The following TSPAN5 variants were observed in gnomAD, a reference collection of about 807,000 sequenced individuals.
The protein encoded by TSPAN5 is tetraspanin-5.
A neutral mutation model predicts 37.1 loss-of-function variants in TSPAN5; 10 were observed. The ratio of observed to expected loss-of-function variants is 0.27; its 90% CI spans 0.17 to 0.46. The LOEUF (loss-of-function observed/expected upper bound fraction) is 0.46. TSPAN5 is among the 20% of genes least tolerant of loss of function. TSPAN5 has a pLI of 1.00. For synonymous variants in TSPAN5, 110 were observed against 118.9 expected (o/e 0.93, Z 0.48); for missense variants, 195 against 326.6 (o/e 0.60, Z 3.11).
At chr4:98,513,761 T>G (rs1283744159) in intron 1 of TSPAN5, among the ~76,000 whole-genome samples, 1 of 152,176 alleles carries the variant, frequency 6.6e-6, no homozygotes, top group Non-Finnish European at 1.5e-5. Context: ...ATCTGAATTC[T>G]CTTTGAAATA....
chr4:98,563,051 G>A (rs1754914771), intron 1 of TSPAN5, among the ~76,000 whole-genome samples: 1 of 152,134 alleles, frequency 6.6e-6, no homozygotes, highest in Non-Finnish European at 1.5e-5. Context: ...TGTGCAAGCT[G>A]TGCACTGCAC....
At chr4:98,513,571 A>C (rs1239865289) in intron 1 of TSPAN5, among the ~76,000 whole-genome samples, 1 of 152,130 alleles carries the variant, frequency 6.6e-6, no homozygotes, top group African/African-American at 2.4e-5. Context: ...GGGAAGGAAA[A>C]GGAAGTGTTA....
At chr4:98,490,644 T>C (rs1267197822) in intron 2 of TSPAN5, among the ~76,000 whole-genome samples, 1 of 152,246 alleles carries the variant, frequency 6.6e-6, no homozygotes, top group African/African-American at 2.4e-5. Context: ...ATTCAGAATA[T>C]ACCCACGTAG....
At chr4:98,555,251 T>C (rs1289834524) in intron 1 of TSPAN5, among the ~76,000 whole-genome samples, 1 of 152,042 alleles carries the variant, frequency 6.6e-6, no homozygotes, top group Non-Finnish European at 1.5e-5. Context: ...CTACCAACTC[T>C]CCAATTTCAC....
At chr4:98,496,092 C>A (rs558604604) in intron 2 of TSPAN5, among the ~76,000 whole-genome samples, 56 of 152,200 alleles carry the variant, frequency 3.7e-4, no homozygotes, top group Non-Finnish European at 7.4e-4. Flanking sequence ...AAGGATTTCC[C>A]TAGTGAGAAA....
intron 1 of TSPAN5, among the ~76,000 whole-genome samples, chr4:98,609,278 A>G (rs1001911009): frequency 6.6e-6 from 1 of 151,740 alleles, no homozygotes; most frequent in Non-Finnish European, 1.5e-5. Flanking sequence ...GCTGGGGGTG[A>G]GCTCTGGGTG....
rs199535963 is a variant in TSPAN5 at position 98,607,712 on chromosome 4, A to ATT, written c.81+50432_81+50433dup. ...AACAATCTGTGATGCCTTAAATGAA[A>ATT]TTTTTTTTTTTTTTTGAGATGGAGT... On this transcript the variant is annotated intron_variant, in intron 1 of 7. Transcript: ENST00000305798. Among the ~76,000 whole-genome samples, 503 of 145,436 alleles carry ATT rather than the reference A, an allele frequency of 3.5e-3. 1 individual carries two copies. The highest frequency in any genetic ancestry group is 9.0e-3 in the African/African-American group (357 of 39,600).
rs117479084 is a variant in TSPAN5 at position 98,486,919 on chromosome 4, G to A, written c.133-35C>T. 964 of 1,604,046 alleles carry A rather than the reference G, an allele frequency of 6.0e-4. 8 individuals are homozygous for A. The East Asian group carries it at 0.019, about 31-fold the overall frequency. On this transcript the variant is annotated intron_variant, in intron 2 of 7. Coordinates refer to ENST00000305798, the MANE Select transcript of TSPAN5 (RefSeq NM_005723.4). ...GAAAAGAACACACAACAAGGCACGG[G>A]GATGTGGGGTCAGTTTTCCAACATG...
chr4:98,562,596 G>A (rs1234608577), intron 1 of TSPAN5, among the ~76,000 whole-genome samples: 3 of 152,150 alleles, frequency 2.0e-5, no homozygotes, highest in Non-Finnish European at 2.9e-5. Flanking sequence ...GGGAGGTGGA[G>A]GTTGCAGAGA....
At chr4:98,569,483 G>A (rs1755072259) in intron 1 of TSPAN5, among the ~76,000 whole-genome samples, 1 of 152,184 alleles carries the variant, frequency 6.6e-6, no homozygotes, top group Admixed American at 6.5e-5. Context: ...GAAGGGATGT[G>A]GGAGGCAGCC....
At chr4:98,628,395 A>AGATT (rs1230920957) in intron 1 of TSPAN5, among the ~76,000 whole-genome samples, 1 of 152,246 alleles carries the variant, frequency 6.6e-6, no homozygotes, top group Non-Finnish European at 1.5e-5. Context: ...GAGCATCTAT[A>AGATT]GATTGACTCA....
At chr4:98,567,564 C>T (rs115908060) in intron 1 of TSPAN5, among the ~76,000 whole-genome samples, 15 of 152,176 alleles carry the variant, frequency 9.9e-5, no homozygotes, top group East Asian at 1.9e-4. Flanking sequence ...TTCAGTGGTT[C>T]GGAGATGTGG....
intron 1 of TSPAN5, among the ~76,000 whole-genome samples, chr4:98,610,406 T>C (rs1756154953): frequency 2.0e-5 from 3 of 152,176 alleles, no homozygotes; most frequent in Admixed American, 2.0e-4. Flanking sequence ...CAAACCATAG[T>C]AGAGCTCCAT....
At chr4:98,634,266 G>A (rs1756808636) in intron 1 of TSPAN5, among the ~76,000 whole-genome samples, 3 of 152,158 alleles carry the variant, frequency 2.0e-5, no homozygotes, top group African/African-American at 7.2e-5. Flanking sequence ...CTGGCAGGGA[G>A]TGGCAGGGCT....
chr4:98,500,479 C>A (rs942325952), intron 2 of TSPAN5, among the ~76,000 whole-genome samples: 4 of 152,288 alleles, frequency 2.6e-5, no homozygotes, highest in African/African-American at 9.6e-5. Flanking sequence ...TTCTTTCCTT[C>A]CAATCACCCC....
intron 1 of TSPAN5, among the ~76,000 whole-genome samples, chr4:98,616,097 T>G (rs1756328869): frequency 6.6e-6 from 1 of 152,070 alleles, no homozygotes; most frequent in South Asian, 2.1e-4. Flanking sequence ...CCCTTCCTTC[T>G]GCTTGTCCTT....
At chr4:98,573,465 C>G (rs528811980) in intron 1 of TSPAN5, among the ~76,000 whole-genome samples, 18 of 152,290 alleles carry the variant, frequency 1.2e-4, no homozygotes, top group Non-Finnish European at 2.2e-4. Flanking sequence ...CGAACTCCTG[C>G]GCTCAAGTGA....
chr4:98,503,120 G>A (rs900751546), intron 2 of TSPAN5, among the ~76,000 whole-genome samples: 2 of 152,052 alleles, frequency 1.3e-5, no homozygotes, highest in African/African-American at 4.8e-5. Context: ...AAATATCACT[G>A]TGTCATTGTG....
At chr4:98,494,813 TTGA>T (rs1294487600) in intron 2 of TSPAN5, among the ~76,000 whole-genome samples, 1 of 152,070 alleles carries the variant, frequency 6.6e-6, no homozygotes, top group Non-Finnish European at 1.5e-5. Flanking sequence ...ATGGCCACAG[TTGA>T]TGATCATGCC....
Sources: gnomAD v4.1 joint callset for allele counts (sites outside exome capture counted in the v4.1 genomes callset) on GRCh38, gnomAD v4.1.1 for gene constraint, MANE v1.5 for transcripts, NCBI Gene and HGNC (gene_info 2026-07-23, HGNC 2026-07-21) for gene names.